CACNA2D3: variants seen among roughly 807,000 people sequenced by gnomAD.
CACNA2D3 encodes voltage-dependent calcium channel subunit alpha-2/delta-3.
A neutral mutation model predicts 160.6 loss-of-function variants in CACNA2D3; 60 were observed. That is an observed-to-expected ratio of 0.37 (90% CI 0.30 to 0.46). CACNA2D3 has a LOEUF of 0.46. Ranked by LOEUF, CACNA2D3 falls within the 20% of genes least tolerant of loss-of-function variation. CACNA2D3 has a pLI of 1.00. For missense variants in CACNA2D3, 1,205 were observed against 1,365.0 expected, an observed-to-expected ratio of 0.88 and a Z score of 1.85; for synonymous variants, 558 against 492.9, an observed-to-expected ratio of 1.13 and a Z score of -1.75.
intron 11 of CACNA2D3, among the ~76,000 whole-genome samples, chr3:54,712,236 C>A (rs1700965498): frequency 6.6e-6 from 1 of 152,186 alleles, no homozygotes; most frequent in Admixed American, 6.5e-5. Context: ...TTAAACAACT[C>A]CATTTACTAT....
At chr3:54,827,674 C>T (rs982187957) in intron 14 of CACNA2D3, among the ~76,000 whole-genome samples, 69 of 152,258 alleles carry the variant, frequency 4.5e-4, no homozygotes, top group African/African-American at 4.3e-4. Context: ...GTGAAGGAGC[C>T]GTGAGCAAGG....
chr3:54,473,192 C>T (rs1700767747), intron 4 of CACNA2D3, among the ~76,000 whole-genome samples: 1 of 152,052 alleles, frequency 6.6e-6, no homozygotes, highest in Admixed American at 6.6e-5. Flanking sequence ...GATATATAGA[C>T]CAATGAAACA....
At chr3:54,541,271 C>T (rs796741935) in intron 5 of CACNA2D3, among the ~76,000 whole-genome samples, 15 of 105,968 alleles carry the variant, frequency 1.4e-4, no homozygotes, top group South Asian at 8.0e-4. Flanking sequence ...AGCAAGACTC[C>T]GTCTCAGAAA....
intron 6 of CACNA2D3, among the ~76,000 whole-genome samples, chr3:54,564,645 C>T (rs563613615): frequency 2.0e-4 from 31 of 152,268 alleles, no homozygotes; most frequent in Non-Finnish European, 2.8e-4. Context: ...GGCAAGTGTG[C>T]GTGTTCTTAA....
At chr3:55,073,917 A>G (rs17323097) in intron 37 of CACNA2D3, 58 bp downstream of exon 37, 181,102 of 1,398,158 alleles carry the variant, frequency 0.13, 12,836 homozygotes, top group Non-Finnish European at 0.15. Flanking sequence ...CGAGAGTCTC[A>G]CACTGGTCAA....
intron 9 of CACNA2D3, among the ~76,000 whole-genome samples, chr3:54,613,812 C>T (rs532603571): frequency 2.6e-5 from 4 of 152,260 alleles, no homozygotes; most frequent in East Asian, 1.9e-4. Context: ...CCTCCTACCC[C>T]GGAGCCTTGG....
At chr3:54,457,620 T>C (rs1553680886) in intron 4 of CACNA2D3, among the ~76,000 whole-genome samples, 1 of 152,058 alleles carries the variant, frequency 6.6e-6, no homozygotes, top group Non-Finnish European at 1.5e-5. Context: ...TGATTTTCTG[T>C]ATAGATGATC....
chr3:54,934,362 C>T (rs986874777), intron 27 of CACNA2D3, among the ~76,000 whole-genome samples: 2 of 151,996 alleles, frequency 1.3e-5, no homozygotes, highest in African/African-American at 2.4e-5. Context: ...GGCTGCCATA[C>T]GTTTTCTCTA....
intron 4 of CACNA2D3, among the ~76,000 whole-genome samples, chr3:54,413,734 A>T: frequency 6.6e-6 from 1 of 150,376 alleles, no homozygotes; most frequent in Non-Finnish European, 1.5e-5. Context: ...TAGTTCCTGG[A>T]TTTTCATTAA....
intron 9 of CACNA2D3, among the ~76,000 whole-genome samples, chr3:54,602,359 A>G (rs986236954): frequency 6.6e-5 from 10 of 152,042 alleles, no homozygotes; most frequent in South Asian, 4.2e-4. Context: ...TTAGCTGGGC[A>G]TGGTGGCAAG....
At chr3:55,026,991 GCACA>G (rs57849063) in intron 35 of CACNA2D3, among the ~76,000 whole-genome samples, 2 of 150,926 alleles carry the variant, frequency 1.3e-5, no homozygotes, top group Non-Finnish European at 3.0e-5. Flanking sequence ...GCGCATGCAC[GCACA>G]CACACACACA....
chr3:54,624,290 A>T (rs1347182339), intron 9 of CACNA2D3, among the ~76,000 whole-genome samples: 1 of 152,200 alleles, frequency 6.6e-6, no homozygotes, highest in Non-Finnish European at 1.5e-5. Context: ...CTACACAGAG[A>T]TGAAAAGAAA....
At chr3:54,662,290 A>G (rs1021574972) in intron 11 of CACNA2D3, among the ~76,000 whole-genome samples, 1 of 152,058 alleles carries the variant, frequency 6.6e-6, no homozygotes. Context: ...TCAAACTTTC[A>G]TGGATGGAGC....
rs544011335 is a variant in CACNA2D3 at position 54,762,877 on chromosome 3, G to A, written c.1247-1341G>A. ...GAGGCCGAGGCAGGCGGATCACGAGGTCAGGAGATCAAGACTGTCCTAGCT... is the reference window on the plus strand; with the variant it reads ...GAGGCCGAGGCAGGCGGATCACGAGATCAGGAGATCAAGACTGTCCTAGCT... On this transcript the variant is annotated intron_variant, in intron 12 of 37. Coordinates refer to ENST00000474759, the MANE Select transcript of CACNA2D3 (RefSeq NM_018398.3). 1.5e-4 allele frequency among the ~76,000 whole-genome samples: 23 copies of A among 152,192 alleles called. 1 individual carries two copies. The highest frequency in any genetic ancestry group is 6.8e-3 in the Middle Eastern group (2 of 294).
intron 3 of CACNA2D3, among the ~76,000 whole-genome samples, chr3:54,330,232 G>C (rs1011196679): frequency 5.3e-5 from 8 of 151,720 alleles, no homozygotes; most frequent in African/African-American, 1.9e-4. Context: ...GTGTGTGTGT[G>C]TGTGTGTGTG....
intron 27 of CACNA2D3, among the ~76,000 whole-genome samples, chr3:54,930,247 C>G (rs538004947): frequency 1.8e-4 from 28 of 152,324 alleles, no homozygotes; most frequent in African/African-American, 6.5e-4. Context: ...GTCACCCACC[C>G]TCAACTCCCA....
intron 27 of CACNA2D3, chr3:54,967,081 A>C (rs919780592): frequency 6.6e-6 from 1 of 152,242 alleles, no homozygotes; most frequent in Non-Finnish European, 1.5e-5. Flanking sequence ...GGTGCATTTC[A>C]GAGGCTTTTC....
chr3:55,033,807 G>GTAATATA (rs1703742819), intron 35 of CACNA2D3, among the ~76,000 whole-genome samples: 1 of 93,572 alleles, frequency 1.1e-5, no homozygotes, highest in Non-Finnish European at 1.9e-5. Flanking sequence ...TATATAATAT[G>GTAATATA]TATTATATAT....
chr3:54,870,496 G>A lies in CACNA2D3; in HGVS notation c.1627-1043G>A, dbSNP rs577674925. On this transcript the variant is annotated intron_variant, in intron 17 of 37. Coordinates refer to ENST00000474759, the MANE Select transcript of CACNA2D3 (RefSeq NM_018398.3). ...CCGTAACTGATGAACGTGTAAAGGG[G>A]TTGCTAATCCTTAGCCTGCAGCAGA... Among the ~76,000 whole-genome samples, 304 of 152,200 alleles carry A rather than the reference G, an allele frequency of 2.0e-3. 1 individual carries two copies. The highest frequency in any genetic ancestry group is 6.8e-3 in the Middle Eastern group (2 of 294).
Sources: gnomAD v4.1 joint callset for allele counts (sites outside exome capture counted in the v4.1 genomes callset) on GRCh38, gnomAD v4.1.1 for gene constraint, MANE v1.5 for transcripts, NCBI Gene and HGNC (gene_info 2026-07-23, HGNC 2026-07-21) for gene names.